GALNT17: variants seen among roughly 807,000 people sequenced by gnomAD.
The protein encoded by GALNT17 is polypeptide N-acetylgalactosaminyltransferase 17, also known as UDP-GalNAc:polypeptide N-acetylgalactosaminyltransferase-like 3.
In GALNT17, 29 loss-of-function variants were observed where a neutral mutation model predicts 63.7. That is an observed-to-expected ratio of 0.46 (90% CI 0.34 to 0.62). The LOEUF (loss-of-function observed/expected upper bound fraction) is 0.62, where lower values mean the gene tolerates loss of function less well. Among genes scored for constraint, GALNT17 ranks in the 20% least tolerant of loss-of-function variants. The pLI is 0.01. For synonymous variants in GALNT17, 305 were observed against 318.3 expected (o/e 0.96, Z 0.45); for missense variants, 603 against 799.6 (o/e 0.75, Z 2.97).
chr7:71,477,002 G>A (rs1040309282), intron 5 of GALNT17, among the ~76,000 whole-genome samples: 4 of 151,948 alleles, frequency 2.6e-5, no homozygotes, highest in South Asian at 2.1e-4. Context: ...CCACATCACC[G>A]GCATCTCTCT....
At chr7:71,136,870 T>C (rs1370907670) in intron 1 of GALNT17, among the ~76,000 whole-genome samples, 1 of 151,966 alleles carries the variant, frequency 6.6e-6, no homozygotes, top group Non-Finnish European at 1.5e-5. Context: ...CATTGCAACC[T>C]CTACTTCCCC....
intron 9 of GALNT17, among the ~76,000 whole-genome samples, chr7:71,707,587 T>C (rs1442047065): frequency 6.6e-6 from 1 of 152,152 alleles, no homozygotes; most frequent in Non-Finnish European, 1.5e-5. Flanking sequence ...AGCTGGATGG[T>C]TCTCTGATCT....
chr7:71,436,670 G>C (rs1786969554), intron 5 of GALNT17, among the ~76,000 whole-genome samples: 1 of 149,072 alleles, frequency 6.7e-6, no homozygotes. Flanking sequence ...AGTGAGCTGA[G>C]ATCGCACCAC....
At chr7:71,217,777 A>T (rs1245014836) in intron 1 of GALNT17, among the ~76,000 whole-genome samples, 1 of 151,936 alleles carries the variant, frequency 6.6e-6, no homozygotes, top group Non-Finnish European at 1.5e-5. Flanking sequence ...GTACAAAAAA[A>T]ATTAACTGGG....
intron 2 of GALNT17, among the ~76,000 whole-genome samples, chr7:71,339,134 T>C (rs529419590): frequency 6.6e-6 from 1 of 152,312 alleles, no homozygotes; most frequent in South Asian, 2.1e-4. Flanking sequence ...ACGAGGTTAC[T>C]GGAAAAGAGC....
intron 6 of GALNT17, among the ~76,000 whole-genome samples, chr7:71,607,849 C>G (rs776214371): frequency 3.3e-5 from 5 of 152,140 alleles, no homozygotes; most frequent in Admixed American, 1.3e-4. Context: ...TTCCTTCTTC[C>G]TTCTTGATGG....
At chr7:71,436,799 G>A (rs560612593) in intron 5 of GALNT17, among the ~76,000 whole-genome samples, 1 of 152,216 alleles carries the variant, frequency 6.6e-6, no homozygotes, top group Admixed American at 6.5e-5. Flanking sequence ...AACTCTGAAT[G>A]AAAACAACTG....
chr7:71,605,548 T>C (rs546825935), intron 6 of GALNT17, among the ~76,000 whole-genome samples: 2 of 145,888 alleles, frequency 1.4e-5, no homozygotes, highest in East Asian at 2.0e-4. Flanking sequence ...ATAGCACCAC[T>C]GCACTCCAGC....
chr7:71,418,940 A>G (rs1172240289), intron 4 of GALNT17, among the ~76,000 whole-genome samples: 2 of 152,152 alleles, frequency 1.3e-5, no homozygotes, highest in Non-Finnish European at 2.9e-5. Context: ...TCTACTAAAA[A>G]TACAAATACA....
chr7:71,708,070 A>G (rs1352786336), intron 9 of GALNT17, among the ~76,000 whole-genome samples: 1 of 152,198 alleles, frequency 6.6e-6, no homozygotes, highest in African/African-American at 2.4e-5. Context: ...GCCCACTTGC[A>G]GTATTTTTGC....
At chr7:71,370,150 C>T (rs1030004117) in intron 2 of GALNT17, among the ~76,000 whole-genome samples, 9 of 152,206 alleles carry the variant, frequency 5.9e-5, no homozygotes, top group Admixed American at 2.6e-4. Flanking sequence ...TCATTGTAAA[C>T]AGCAGTTCTA....
At chr7:71,270,469 G>A (rs1790565264) in intron 1 of GALNT17, among the ~76,000 whole-genome samples, 1 of 146,626 alleles carries the variant, frequency 6.8e-6, no homozygotes, top group Non-Finnish European at 1.5e-5. Flanking sequence ...AGGTTGCAGT[G>A]AGCCGAGATT....
At chr7:71,158,482 C>T (rs1004049887) in intron 1 of GALNT17, among the ~76,000 whole-genome samples, 2 of 151,692 alleles carry the variant, frequency 1.3e-5, no homozygotes, top group East Asian at 1.9e-4. Context: ...GCATCCTCCT[C>T]CTCCTGGATT....
Position 71,344,313 on chromosome 7 carries a change from A to T in GALNT17, c.422+8580A>T, listed in dbSNP as rs187818625. Among the ~76,000 whole-genome samples, 9 of 152,314 alleles carry T rather than the reference A, an allele frequency of 5.9e-5. No homozygotes were observed. In the East Asian group the frequency reaches 1.7e-3, roughly 29 times the overall value. The stretch of plus-strand genomic sequence containing the variant: ...GGAAAAAAACAAAAGCTCTTAAAGA[A>T]AGGAATTGCAATTCCAGGCACTCCA... On this transcript the variant is annotated intron_variant, in intron 2 of 10. Coordinates refer to ENST00000333538, the MANE Select transcript of GALNT17 (RefSeq NM_022479.3).
At chr7:71,309,716 G>A (rs557801757) in intron 1 of GALNT17, among the ~76,000 whole-genome samples, 98 of 152,294 alleles carry the variant, frequency 6.4e-4, no homozygotes, top group African/African-American at 2.3e-3. Flanking sequence ...ATAAAGGGTG[G>A]AGGGAGAGTG....
intron 5 of GALNT17, among the ~76,000 whole-genome samples, chr7:71,464,333 A>G (rs1787500985): frequency 6.6e-6 from 1 of 152,120 alleles, no homozygotes; most frequent in Admixed American, 6.6e-5. Flanking sequence ...CTTGGCATGG[A>G]CAGACACAGA....
At chr7:71,146,178 C>T (rs1049351449) in intron 1 of GALNT17, among the ~76,000 whole-genome samples, 1 of 152,138 alleles carries the variant, frequency 6.6e-6, no homozygotes, top group Non-Finnish European at 1.5e-5. Flanking sequence ...TCCCCACGCC[C>T]TGAGTGACTG....
chr7:71,168,752 TC>T (rs1562881258), intron 1 of GALNT17, among the ~76,000 whole-genome samples: 1 of 150,894 alleles, frequency 6.6e-6, no homozygotes, highest in Non-Finnish European at 1.5e-5. Context: ...GCACCTAAAA[TC>T]TACTCTCTTA....
At chr7:71,359,970 G>A (rs1317499558) in intron 2 of GALNT17, among the ~76,000 whole-genome samples, 1 of 152,190 alleles carries the variant, frequency 6.6e-6, no homozygotes, top group East Asian at 1.9e-4. Flanking sequence ...TAAGTGGGGA[G>A]ATACTAGATT....
Sources: allele counts gnomAD v4.1 joint callset (sites outside exome capture counted in the v4.1 genomes callset), GRCh38; gene constraint gnomAD v4.1.1; transcripts MANE v1.5; gene names NCBI Gene and HGNC (gene_info 2026-07-23, HGNC 2026-07-21).